The following CCDC171 variants were observed in gnomAD, a reference collection of about 807,000 sequenced individuals.
CCDC171 encodes the protein coiled-coil domain containing 171, also known as coiled-coil domain-containing protein 171.
Under a neutral mutation model 168.2 loss-of-function variants are expected in CCDC171, and 177 were observed. That is an observed-to-expected ratio of 1.05 (90% CI 0.93 to 1.19). CCDC171 has a LOEUF of 1.19. Ranked by LOEUF, CCDC171 falls within the 50% of genes most tolerant of loss-of-function variation. CCDC171 has a pLI of 0.00. For synonymous variants in CCDC171, 687 were observed against 540.8 expected (o/e 1.27, Z -3.75); for missense variants, 1,991 against 1,539.0 (o/e 1.29, Z -4.91).
intron 3 of CCDC171, among the ~76,000 whole-genome samples, chr9:15,981,654 C>T (rs16933869): frequency 0.056 from 8,490 of 152,176 alleles, 789 homozygotes; most frequent in African/African-American, 0.19. Flanking sequence ...GTTAGAAGTA[C>T]GCAGCTCATT....
intron 3 of CCDC171, among the ~76,000 whole-genome samples, chr9:16,005,135 G>A (rs985083745): frequency 2.0e-5 from 3 of 152,032 alleles, no homozygotes; most frequent in Admixed American, 6.6e-5. Flanking sequence ...TTATCAACCC[G>A]AAAAGAAATC....
intron 25 of CCDC171, among the ~76,000 whole-genome samples, chr9:15,971,062 A>T (rs1831315063): frequency 6.6e-6 from 1 of 152,154 alleles, no homozygotes; most frequent in South Asian, 2.1e-4. Flanking sequence ...AAAGCCAAAG[A>T]GTTCTCATTA....
At chr9:15,966,666 G>A (rs1169521663) in intron 25 of CCDC171, among the ~76,000 whole-genome samples, 2 of 152,096 alleles carry the variant, frequency 1.3e-5, no homozygotes, top group African/African-American at 4.8e-5. Context: ...GGCCCTTAGG[G>A]TGTTTCCTAA....
chr9:15,558,891 C>T (rs2039035860), intron 1 of CCDC171, among the ~76,000 whole-genome samples: 1 of 152,162 alleles, frequency 6.6e-6, no homozygotes. Context: ...TTTCCCTCTA[C>T]ACACTGCTTT....
At chr9:15,777,085 G>C (rs1485955179) in intron 18 of CCDC171, among the ~76,000 whole-genome samples, 2 of 152,190 alleles carry the variant, frequency 1.3e-5, no homozygotes, top group African/African-American at 4.8e-5. Context: ...CAGACCTGAT[G>C]AATCTAGCAG....
At chr9:15,594,528 T>C (rs941192068) in intron 6 of CCDC171, among the ~76,000 whole-genome samples, 31 of 152,318 alleles carry the variant, frequency 2.0e-4, no homozygotes, top group African/African-American at 6.3e-4. Flanking sequence ...ACAAATCATA[T>C]AGTGTAGTAA....
rs181172049 is a variant in CCDC171, at chr9:15,815,212, C to T, written c.3267+30518C>T. Among the ~76,000 whole-genome samples the T allele has an allele frequency of 1.5e-4, 23 of 152,196 alleles. 1 individual carries two copies. The highest frequency in any genetic ancestry group is 1.0e-3 in the Admixed American group (16 of 15,286). ...AGCCTCACAGGGGTCTCAAGACTTA[C>T]GCCTCTTCCTAGCCGCCCGTATCAT... On this transcript the variant is annotated intron_variant, in intron 21 of 25. Transcript: ENST00000380701.
At position 15,744,744 on chromosome 9, in the gene CCDC171, A is replaced by G. The variant is rs1465746036; in HGVS notation, c.2521A>G (p.Thr841Ala). 1.2e-6 allele frequency: 2 copies of G among 1,613,784 alleles called. No homozygotes were observed. Among genetic ancestry groups the G allele is most frequent in the South Asian group, 1.1e-5 (1 of 91,006 alleles). The change falls in exon 17 of 26, where the codon ACA becomes GCA. Residue 841 changes from threonine to alanine, a missense_variant. Transcript: ENST00000380701. Reference sequence around the variant, plus strand: ...AGAAGGCATAGGCATGTTAGTGTGCACAGGAGAGCCCCAAGACAAGCATAA... The same window carrying G: ...AGAAGGCATAGGCATGTTAGTGTGCGCAGGAGAGCCCCAAGACAAGCATAA... Reference protein sequence around the residue: ...FKEGIGMLVCTGEPQDKHKFP... With the variant: ...FKEGIGMLVCAGEPQDKHKFP...
At chr9:15,885,076 A>G (rs960321275) in intron 24 of CCDC171, among the ~76,000 whole-genome samples, 2 of 152,214 alleles carry the variant, frequency 1.3e-5, no homozygotes, top group Non-Finnish European at 2.9e-5. Context: ...AAGTAATGCA[A>G]ACATTACTAC....
At chr9:15,879,803 C>A (rs2105313) in intron 24 of CCDC171, among the ~76,000 whole-genome samples, 1 of 151,486 alleles carries the variant, frequency 6.6e-6, no homozygotes, top group Non-Finnish European at 1.5e-5. Flanking sequence ...TACATTTTTT[C>A]ATTATTCTCT....
chr9:15,869,226 G>A (rs2061922815), intron 23 of CCDC171, among the ~76,000 whole-genome samples: 1 of 151,902 alleles, frequency 6.6e-6, no homozygotes, highest in Non-Finnish European at 1.5e-5. Context: ...ATTACTAATA[G>A]AAGTAGTATT....
At chr9:15,557,784 A>G (rs1435650488) in intron 1 of CCDC171, among the ~76,000 whole-genome samples, 2 of 151,992 alleles carry the variant, frequency 1.3e-5, no homozygotes, top group African/African-American at 4.8e-5. Context: ...GTTGAATAGG[A>G]GTGGTGAGAG....
intron 1 of CCDC171, among the ~76,000 whole-genome samples, chr9:15,558,894 A>G (rs904719953): frequency 2.6e-5 from 4 of 152,172 alleles, no homozygotes; most frequent in Admixed American, 2.6e-4. Flanking sequence ...CCCTCTACAC[A>G]CTGCTTTGAA....
intron 11 of CCDC171, among the ~76,000 whole-genome samples, chr9:15,713,031 A>T (rs1054657276): frequency 7.2e-5 from 11 of 152,220 alleles, no homozygotes; most frequent in African/African-American, 2.4e-4. Context: ...TCTTCCCCAG[A>T]CAACCTTGTT....
At chr9:15,738,415 G>C (rs1055516891) in intron 16 of CCDC171, among the ~76,000 whole-genome samples, 6 of 152,084 alleles carry the variant, frequency 3.9e-5, no homozygotes, top group Non-Finnish European at 8.8e-5. Context: ...TGTGTAAAAG[G>C]TATGCATTCT....
At chr9:15,942,844 C>A in intron 25 of CCDC171, among the ~76,000 whole-genome samples, 1 of 151,828 alleles carries the variant, frequency 6.6e-6, no homozygotes, top group East Asian at 1.9e-4. Flanking sequence ...AAATTTTAAA[C>A]TATGACCAAA....
chr9:15,642,357 A>G lies in CCDC171; in HGVS notation c.823-14770A>G, dbSNP rs1348688323. ...CGTGTGTGTGTGTATATATATATAT[A>G]TATATATATATATATATATATATAT... On this transcript the variant is annotated intron_variant, in intron 7 of 25. Coordinates refer to ENST00000380701, the MANE Select transcript of CCDC171 (RefSeq NM_173550.4). Among the ~76,000 whole-genome samples, 30 of 41,644 alleles carry G rather than the reference A, an allele frequency of 7.2e-4. 1 individual carries two copies. In the East Asian group the frequency reaches 0.025, roughly 34 times the overall value. The allele number at this position is 41,644 out of a possible 152,430, so 27.3% of individuals were successfully genotyped here. A position where few individuals can be genotyped will look rare whatever the true frequency, so the allele number is the denominator to read the frequency against.
At chr9:15,867,737 C>T (rs2131103321) in intron 23 of CCDC171, among the ~76,000 whole-genome samples, 1 of 152,142 alleles carries the variant, frequency 6.6e-6, no homozygotes, top group East Asian at 1.9e-4. Context: ...AGCTTAAACA[C>T]ATCTAAATAA....
chr9:15,812,872 T>G (rs2059415178), intron 21 of CCDC171, among the ~76,000 whole-genome samples: 3 of 152,152 alleles, frequency 2.0e-5, no homozygotes, highest in Admixed American at 2.0e-4. Context: ...GGGTTGAGCA[T>G]GGGTTTAAAT....
Sources: allele counts gnomAD v4.1 joint callset (sites outside exome capture counted in the v4.1 genomes callset), GRCh38; gene constraint gnomAD v4.1.1; transcripts MANE v1.5; gene names NCBI Gene and HGNC (gene_info 2026-07-23, HGNC 2026-07-21).